Variants in SLC30A7 observed in about 807,000 individuals in gnomAD.
SLC30A7 encodes the protein zinc transporter 7.
Under a neutral mutation model 46.0 loss-of-function variants are expected in SLC30A7, and 35 were observed. That is an observed-to-expected ratio of 0.76 (90% CI 0.58 to 1.01). The LOEUF (loss-of-function observed/expected upper bound fraction) is 1.01. SLC30A7 is among the 50% of genes least tolerant of loss of function. SLC30A7 has a pLI of 0.00. For missense variants in SLC30A7, 464 were observed against 451.1 expected (o/e 1.03, Z -0.26); for synonymous variants, 147 against 157.8 (o/e 0.93, Z 0.51).
intron 10 of SLC30A7, chr1:100,972,662 G>A (rs1348091184): frequency 6.6e-6 from 1 of 152,080 alleles, no homozygotes; most frequent in African/African-American, 2.4e-5. Flanking sequence ...AACAATATTT[G>A]TTTCCTCTTA....
intron 8 of SLC30A7, among the ~76,000 whole-genome samples, chr1:100,942,760 CTTTCA>C (rs1338795207): frequency 6.6e-6 from 1 of 152,186 alleles, no homozygotes; most frequent in African/African-American, 2.4e-5. Flanking sequence ...TTACAGCTTG[CTTTCA>C]TTTCCTTTTC....
chr1:100,896,268 GC>G lies in SLC30A7; in HGVS notation c.10del (p.Leu4CysfsTer41), dbSNP rs1364345283. The G allele has an allele frequency of 6.2e-7, 1 of 1,614,200 alleles. No individual in the cohort carries two copies. The highest frequency in any genetic ancestry group is 1.1e-5 in the South Asian group (1 of 91,088). On this transcript the variant is annotated frameshift_variant, in exon 1 of 11. Coordinates refer to ENST00000357650, the MANE Select transcript of SLC30A7 (RefSeq NM_133496.5). LOFTEE classifies it high-confidence loss of function. ...CCCTTCGCCGGGCAGAGAAGATGTT[GC>G]CCCTGTCCATCAAAGACGATGAATA... Reference protein sequence around the residue: MLPLSIKDDEYKP... With the variant: MLXLSIKDDEYKP...
At position 100,971,226 on chromosome 1, in the gene SLC30A7, G is replaced by A. The variant is rs114037262; in HGVS notation, c.1084-3584G>A. 2.7e-3 allele frequency among the ~76,000 whole-genome samples: 415 copies of A among 152,194 alleles called. 2 individuals carry two copies. The highest frequency in any genetic ancestry group is 3.8e-3 in the Non-Finnish European group (258 of 67,984). On this transcript the variant is annotated intron_variant, in intron 10 of 10. Transcript: ENST00000357650. ...CCTAGGATCATAATCCCTTCCTGTG[G>A]CTTTATCTAACTTTGCTCTGTCTTC...
At chr1:100,981,946 T>C (rs1656960023), downstream of SLC30A7, among the ~76,000 whole-genome samples, 1 of 152,226 alleles carries the variant, frequency 6.6e-6, no homozygotes, top group Non-Finnish European at 1.5e-5. Context: ...GTGAACAGCC[T>C]CATTGTGGCT....
intron 9 of SLC30A7, among the ~76,000 whole-genome samples, chr1:100,963,347 G>GTAAT (rs1466394056): frequency 1.3e-5 from 2 of 152,138 alleles, no homozygotes; most frequent in Non-Finnish European, 2.9e-5. Context: ...GAAGGAGGAA[G>GTAAT]TAATTAACTG....
intron 2 of SLC30A7, among the ~76,000 whole-genome samples, chr1:100,900,897 A>ATT (rs1651265717): frequency 6.6e-6 from 1 of 152,150 alleles, no homozygotes; most frequent in Admixed American, 6.5e-5. Context: ...CTTTTAAACA[A>ATT]TTTTTTATCA....
chr1:100,945,924 A>G (rs1449880984), intron 8 of SLC30A7, among the ~76,000 whole-genome samples: 2 of 152,148 alleles, frequency 1.3e-5, no homozygotes, highest in Non-Finnish European at 2.9e-5. Flanking sequence ...CACAAGCATG[A>G]AATGTTCTTC....
At chr1:100,969,890 T>G (rs1003373897) in intron 10 of SLC30A7, among the ~76,000 whole-genome samples, 6 of 152,202 alleles carry the variant, frequency 3.9e-5, no homozygotes, top group African/African-American at 1.4e-4. Context: ...ATTGAAATTT[T>G]CATGAATTTA....
At chr1:100,921,949 G>GGT in intron 8 of SLC30A7, 108 bp downstream of exon 8, 1 of 663,024 alleles carries the variant, frequency 1.5e-6, no homozygotes, top group Non-Finnish European at 2.1e-6. Flanking sequence ...TCCTTTGCTT[G>GGT]CTTTTTTTTT....
chr1:100,930,206 T>C (rs1257887639), intron 8 of SLC30A7, among the ~76,000 whole-genome samples: 1 of 152,096 alleles, frequency 6.6e-6, no homozygotes, highest in East Asian at 1.9e-4. Flanking sequence ...TGTGGTGCTT[T>C]GTACTTTTAT....
intron 9 of SLC30A7, 60 bp from the exon 10 acceptor site, chr1:100,965,704 ATAACT>A (rs1339214901): frequency 1.0e-5 from 14 of 1,355,262 alleles, no homozygotes; most frequent in African/African-American, 2.9e-5. Context: ...ATGTTGCATA[ATAACT>A]TAAGTAAAAG....
At chr1:100,969,276 G>A (rs1280071408) in intron 10 of SLC30A7, among the ~76,000 whole-genome samples, 2 of 152,178 alleles carry the variant, frequency 1.3e-5, no homozygotes, top group African/African-American at 2.4e-5. Flanking sequence ...GGGACAACAA[G>A]ATAACCAGGC....
chr1:100,985,146 TAAC>T (rs1293802924), downstream of SLC30A7, among the ~76,000 whole-genome samples: 7 of 152,142 alleles, frequency 4.6e-5, no homozygotes, highest in African/African-American at 7.2e-5. Context: ...CAGACTGAAA[TAAC>T]AACAACAATG....
chr1:100,984,402 C>T (rs543351829), downstream of SLC30A7, among the ~76,000 whole-genome samples: 4 of 152,264 alleles, frequency 2.6e-5, no homozygotes, highest in South Asian at 4.2e-4. Context: ...GAGGAAACCA[C>T]GAAAGCAATC....
chr1:100,919,317 TCCCAGCTATCTACTTG>T, intron 7 of SLC30A7, among the ~76,000 whole-genome samples: 1 of 152,294 alleles, frequency 6.6e-6, no homozygotes, highest in Non-Finnish European at 1.5e-5. Context: ...GTTTCCTAAT[TCCCAGCTATCTACTTG>T]CCTTTATTAA....
chr1:100,954,038 G>A (rs906369976), intron 8 of SLC30A7, among the ~76,000 whole-genome samples: 1 of 152,172 alleles, frequency 6.6e-6, no homozygotes, highest in Non-Finnish European at 1.5e-5. Flanking sequence ...TGAAAGTCAC[G>A]TCAAACAAGG....
intron 8 of SLC30A7, among the ~76,000 whole-genome samples, chr1:100,949,656 C>G (rs540304366): frequency 6.6e-6 from 1 of 152,218 alleles, no homozygotes; most frequent in Non-Finnish European, 1.5e-5. Context: ...TACTGAGCTG[C>G]GGTGGGCCCC....
chr1:100,961,897 T>C lies in SLC30A7; in HGVS notation c.912T>C (p.Ser304=), dbSNP rs371661746. 5.3e-5 allele frequency: 85 copies of C among 1,604,500 alleles called. No individual in the cohort carries two copies. The highest frequency in any genetic ancestry group is 1.4e-4 in the Admixed American group (8 of 59,222). Residue 304 remains serine (S), a synonymous_variant, in exon 9 of 11, where the codon AGT becomes AGC. Coordinates refer to ENST00000357650, the MANE Select transcript of SLC30A7 (RefSeq NM_133496.5). ...GAACTCCTCCCCTATTAGAAAATAG[T>C]CTGCCTCAGTGCTATCAGAGGGTGA... The part of the protein sequence containing the change: ...MQRTPPLLEN[S]LPQCYQRVQQ...
chr1:100,902,342 T>C (rs1181487271), intron 2 of SLC30A7, among the ~76,000 whole-genome samples: 1 of 152,234 alleles, frequency 6.6e-6, no homozygotes, highest in Non-Finnish European at 1.5e-5. Context: ...TGCCGTGCTA[T>C]ATCCACACCT....
Sources: allele counts gnomAD v4.1 joint callset (sites outside exome capture counted in the v4.1 genomes callset), GRCh38; gene constraint gnomAD v4.1.1; transcripts MANE v1.5; gene names NCBI Gene and HGNC (gene_info 2026-07-23, HGNC 2026-07-21).